ARHGAP44: variants seen among roughly 807,000 people sequenced by gnomAD.
The protein encoded by ARHGAP44 is rho GTPase-activating protein 44.
In ARHGAP44, 43 loss-of-function variants were observed where a neutral mutation model predicts 106.8. The observed-to-expected ratio is 0.40, with a 90% CI of 0.32 to 0.52. The LOEUF (loss-of-function observed/expected upper bound fraction) is 0.52, where lower values mean the gene tolerates loss of function less well. Ranked by LOEUF, ARHGAP44 falls within the 20% of genes least tolerant of loss-of-function variation. The pLI is 0.48. For missense variants in ARHGAP44, 866 were observed against 1,050.5 expected, an observed-to-expected ratio of 0.82 and a Z score of 2.43; for synonymous variants, 439 against 410.3, an observed-to-expected ratio of 1.07 and a Z score of -0.85.
intron 1 of ARHGAP44, among the ~76,000 whole-genome samples, chr17:12,821,106 G>T (rs78378675): frequency 0.044 from 6,654 of 152,200 alleles, 223 homozygotes; most frequent in Non-Finnish European, 0.068. Context: ...TCATCTATTT[G>T]AACAAACAGC....
Position 12,948,029 on chromosome 17 carries a change from C to T in ARHGAP44, c.862-1111C>T, listed in dbSNP as rs552559912. ...CCATAAAAGATTAAAGGAGTAAGGA[C>T]TGTTCTGCCTGCTTGTTTATCAGCC... On this transcript the variant is annotated intron_variant, in intron 10 of 20. Coordinates refer to ENST00000379672, the MANE Select transcript of ARHGAP44 (RefSeq NM_014859.6). 8.6e-4 allele frequency among the ~76,000 whole-genome samples: 131 copies of T among 152,340 alleles called. 1 individual carries two copies. Among genetic ancestry groups the T allele is most frequent in the African/African-American group, 3.0e-3 (125 of 41,590 alleles).
chr17:12,943,724 C>T (rs754326650), intron 9 of ARHGAP44, 55 bp downstream of exon 9: 34 of 1,544,282 alleles, frequency 2.2e-5, no homozygotes, highest in East Asian at 6.7e-5. Flanking sequence ...CTTGCCTTCC[C>T]GGATGAGATG....
At chr17:12,917,963 T>C (rs1357420723) in intron 5 of ARHGAP44, among the ~76,000 whole-genome samples, 1 of 152,044 alleles carries the variant, frequency 6.6e-6, no homozygotes, top group Admixed American at 6.6e-5. Flanking sequence ...GGGACAGAGG[T>C]ATGGGCCGGT....
intron 1 of ARHGAP44, among the ~76,000 whole-genome samples, chr17:12,882,788 T>C (rs1323516304): frequency 1.3e-5 from 2 of 152,108 alleles, no homozygotes; most frequent in Non-Finnish European, 2.9e-5. Flanking sequence ...TTAATCAAAC[T>C]TTTTCATAAT....
intron 18 of ARHGAP44, among the ~76,000 whole-genome samples, chr17:12,975,031 G>C (rs1305806756): frequency 6.6e-6 from 1 of 151,972 alleles, no homozygotes; most frequent in Non-Finnish European, 1.5e-5. Context: ...TGTATTTTTA[G>C]TAGAGATGGG....
At chr17:12,876,045 G>A (rs980333875) in intron 1 of ARHGAP44, among the ~76,000 whole-genome samples, 17 of 152,156 alleles carry the variant, frequency 1.1e-4, no homozygotes, top group African/African-American at 3.6e-4. Context: ...CTGCTTTCTC[G>A]AGCTAGAAAA....
Position 12,956,724 on chromosome 17 carries a change from T to C in ARHGAP44, c.1320T>C (p.His440=). 1 of 1,614,136 alleles carries C rather than the reference T, an allele frequency of 6.2e-7. No individual in the cohort carries two copies. Among genetic ancestry groups the C allele is most frequent in the Non-Finnish European group, 8.5e-7 (1 of 1,180,008 alleles). Residue 440 remains histidine, a synonymous_variant, in exon 15 of 21, where the codon CAT becomes CAC. Coordinates refer to ENST00000379672, the MANE Select transcript of ARHGAP44 (RefSeq NM_014859.6). ...GGATCATTGAACCTATCATCCAGCATGCAGACTGGTTCTTCCCTGGGGGTA... is the reference window on the plus strand; with the variant it reads ...GGATCATTGAACCTATCATCCAGCACGCAGACTGGTTCTTCCCTGGGGGTA... ...IVGIIEPIIQ[H]ADWFFPGEIE...
intron 18 of ARHGAP44, among the ~76,000 whole-genome samples, chr17:12,977,385 C>A (rs2039711335): frequency 6.6e-6 from 1 of 152,118 alleles, no homozygotes. Flanking sequence ...CTCCCCCTCC[C>A]CTGATGGCAG....
chr17:12,948,723 T>TACACACACAC (rs71369353), intron 10 of ARHGAP44, among the ~76,000 whole-genome samples: 92 of 29,366 alleles, frequency 3.1e-3, no homozygotes, highest in East Asian at 0.02. Context: ...CCAACACACA[T>TACACACACAC]ACACACACAC....
rs760350508 is a variant in ARHGAP44 at position 12,984,505 on chromosome 17, TTGTTG to T, written c.1940-16_1940-12del. 2.2e-4 allele frequency: 329 copies of T among 1,504,912 alleles called. No individual in the cohort carries two copies. The Middle Eastern group carries it at 5.0e-3, about 23-fold the overall frequency. 93.2% of individuals were successfully genotyped at this position (1,504,912 alleles called of 1,614,324 possible). On this transcript the variant is annotated intron_variant, in intron 19 of 20. Coordinates refer to ENST00000379672, the MANE Select transcript of ARHGAP44 (RefSeq NM_014859.6). The stretch of plus-strand genomic sequence containing the variant: ...CTTCATTCAACAACTTTGTGTTTTG[TTGTTG>T]TGTTGTGTTTTCTCTTTCAGTTTCA...
In ARHGAP44 at chr17:12,980,181, C is replaced by T; in HGVS notation, c.1887C>T (p.Ser629=). 1 of 1,613,486 alleles carries T rather than the reference C, an allele frequency of 6.2e-7. No individual in the cohort carries two copies. Residue 629 remains serine (S), a synonymous_variant, in exon 19 of 21, where the codon AGC becomes AGT. Transcript: ENST00000379672. ...GAQPGAQPGA[S]PSPSQPPADQ... ...AACCTGGAGCTCAGCCGGGCGCCAG[C>T]CCCAGCCCCAGCCAGCCGCCTGCAG...
At chr17:12,921,045 TA>T (rs2038069063) in intron 6 of ARHGAP44, among the ~76,000 whole-genome samples, 2 of 152,156 alleles carry the variant, frequency 1.3e-5, no homozygotes, top group South Asian at 2.1e-4. Context: ...AGACCAACTT[TA>T]TTTTTTTATT....
chr17:12,920,749 C>G (rs1159178849), intron 6 of ARHGAP44, among the ~76,000 whole-genome samples: 1 of 152,170 alleles, frequency 6.6e-6, no homozygotes, highest in African/African-American at 2.4e-5. Context: ...GTGTAGGTGT[C>G]TGCTTTCTGT....
Position 12,949,060 on chromosome 17 carries a change from A to C in ARHGAP44, c.862-80A>C. On this transcript the variant is annotated intron_variant, in intron 10 of 20. Transcript: ENST00000379672. The surrounding 1 kb of genome is among the most constrained non-coding windows in gnomAD (Gnocchi z 4.1). ...GCATGTAAGAGGTTTTGGAGAAAAG[A>C]AGCAGGCAGTTGCGGGGTCTCTGCG... 1 of 1,338,042 alleles carries C rather than the reference A, an allele frequency of 7.5e-7. No homozygotes were observed. The highest frequency in any genetic ancestry group is 1.0e-6 in the Non-Finnish European group (1 of 962,146). The allele number at this position is 1,338,042 out of a possible 1,614,324, so 82.9% of individuals were successfully genotyped here.
chr17:12,975,447 C>T (rs1176397858), intron 18 of ARHGAP44, among the ~76,000 whole-genome samples: 1 of 152,088 alleles, frequency 6.6e-6, no homozygotes, highest in African/African-American at 2.4e-5. Context: ...AGGAAAAAGA[C>T]AGGAATTCAT....
At chr17:12,970,765 A>T (rs976292078) in intron 16 of ARHGAP44, among the ~76,000 whole-genome samples, 1 of 152,234 alleles carries the variant, frequency 6.6e-6, no homozygotes, top group African/African-American at 2.4e-5. Context: ...TAAAACAATG[A>T]ACAGAAGCTT....
At chr17:12,955,760 T>A in intron 13 of ARHGAP44, 107 bp from the exon 14 acceptor site, 1 of 666,788 alleles carries the variant, frequency 1.5e-6, no homozygotes, top group Non-Finnish European at 2.7e-6. Flanking sequence ...TGCACGAGTC[T>A]CCTAGTCAGT....
rs759738703 is a variant in ARHGAP44, at chr17:12,984,555, C to T, written c.1964C>T (p.Pro655Leu). The stretch of plus-strand genomic sequence containing the variant: ...GTTTCAAAGAAGCTGGCACCGATTC[C>T]ACCCAAGGTCCCCTTTGGCCAGCCG... ...RKVSKKLAPIPPKVPFGQPGA... is the reference protein window; with the variant it reads ...RKVSKKLAPILPKVPFGQPGA... Residue 655 changes from proline to leucine, a missense_variant, in exon 20 of 21, where the codon CCA (proline) becomes CTA (leucine). Transcript: ENST00000379672. The T allele has an allele frequency of 1.8e-5, 27 of 1,530,740 alleles. No homozygotes were observed. The highest frequency in any genetic ancestry group is 2.4e-5 in the Non-Finnish European group (27 of 1,141,790). The allele number at this position is 1,530,740 out of a possible 1,614,324, so 94.8% of individuals were successfully genotyped here.
chr17:12,875,807 G>A (rs2036537913), intron 1 of ARHGAP44, among the ~76,000 whole-genome samples: 1 of 152,142 alleles, frequency 6.6e-6, no homozygotes, highest in African/African-American at 2.4e-5. Flanking sequence ...AGCCAGGCAT[G>A]GTGGCAGGTG....
Sources: allele counts gnomAD v4.1 joint callset (sites outside exome capture counted in the v4.1 genomes callset), GRCh38; gene constraint gnomAD v4.1.1; non-coding constraint Gnocchi (gnomAD v3.1); transcripts MANE v1.5; gene names NCBI Gene and HGNC (gene_info 2026-07-23, HGNC 2026-07-21).